The following CCDC178 variants were observed in gnomAD, a reference collection of about 807,000 sequenced individuals.
CCDC178 encodes coiled-coil domain-containing protein 178.
In CCDC178, 126 loss-of-function variants were observed where a neutral mutation model predicts 117.4. The ratio of observed to expected loss-of-function variants is 1.07; its 90% CI spans 0.93 to 1.24. The LOEUF (loss-of-function observed/expected upper bound fraction) is 1.24, where lower values mean the gene tolerates loss of function less well. Among genes scored for constraint, CCDC178 ranks in the 50% most tolerant of loss-of-function variants. CCDC178 has a pLI of 0.00. For missense variants in CCDC178, 1,030 were observed against 986.9 expected (o/e 1.04, Z -0.59); for synonymous variants, 283 against 313.4 (o/e 0.90, Z 1.02).
At chr18:32,977,021 T>C (rs7238802) in intron 21 of CCDC178, among the ~76,000 whole-genome samples, 28,443 of 152,046 alleles carry the variant, frequency 0.19, 3,091 homozygotes, top group East Asian at 0.3. Flanking sequence ...AGATTTTTGC[T>C]ATTTTCTTAA....
rs186621802 is a variant in CCDC178 at position 33,237,167 on chromosome 18, C to T, written c.1593+8078G>A. ...AGCCACTGCACCTCTGCAGCAATGGCGCTCCATCTTCATTCCAAGCCCAGT... is the reference window on the plus strand; with the variant it reads ...AGCCACTGCACCTCTGCAGCAATGGTGCTCCATCTTCATTCCAAGCCCAGT... On this transcript the variant is annotated intron_variant, in intron 15 of 22. Transcript: ENST00000383096. Among the ~76,000 whole-genome samples the T allele has an allele frequency of 3.3e-4, 50 of 152,222 alleles. No individual in the cohort carries two copies. In the East Asian group the frequency reaches 5.2e-3, roughly 16 times the overall value.
chr18:33,410,657 G>A (rs1460937620), intron 3 of CCDC178, among the ~76,000 whole-genome samples: 1 of 152,058 alleles, frequency 6.6e-6, no homozygotes, highest in Non-Finnish European at 1.5e-5. Flanking sequence ...GTAGTAAGTT[G>A]ATTGCAATAA....
intron 22 of CCDC178, among the ~76,000 whole-genome samples, chr18:32,966,213 A>T (rs2054810645): frequency 6.6e-6 from 1 of 151,792 alleles, no homozygotes; most frequent in Admixed American, 6.6e-5. Context: ...CTCATCATAT[A>T]CAATTTGAAA....
intron 3 of CCDC178, among the ~76,000 whole-genome samples, chr18:33,403,646 C>T (rs1047830782): frequency 1.3e-5 from 2 of 152,184 alleles, no homozygotes; most frequent in Non-Finnish European, 2.9e-5. Flanking sequence ...AACGGAAATA[C>T]TCAACAATTT....
intron 21 of CCDC178, among the ~76,000 whole-genome samples, chr18:33,000,623 T>C (rs1178949948): frequency 6.6e-6 from 1 of 152,178 alleles, no homozygotes; most frequent in African/African-American, 2.4e-5. Context: ...AGCTCCAATA[T>C]GTTTGGCAGC....
chr18:33,212,135 G>T, intron 19 of CCDC178, 80 bp from the exon 20 acceptor site: 1 of 1,131,704 alleles, frequency 8.8e-7, no homozygotes, highest in Non-Finnish European at 1.2e-6. Flanking sequence ...ATTTTAAAAG[G>T]ACCAAAATGA....
chr18:33,075,591 AC>A (rs2145012887), intron 21 of CCDC178, among the ~76,000 whole-genome samples: 1 of 152,348 alleles, frequency 6.6e-6, no homozygotes, highest in Non-Finnish European at 1.5e-5. Flanking sequence ...CAAGCAAAGA[AC>A]AAAAATACCT....
chr18:33,174,724 A>G (rs1265608809), intron 20 of CCDC178, among the ~76,000 whole-genome samples: 1 of 152,190 alleles, frequency 6.6e-6, no homozygotes, highest in Non-Finnish European at 1.5e-5. Flanking sequence ...AAGAACAAAT[A>G]CTTTCTTTAA....
chr18:33,143,401 T>A (rs1485517459), intron 20 of CCDC178, among the ~76,000 whole-genome samples: 6 of 152,156 alleles, frequency 3.9e-5, no homozygotes, highest in Non-Finnish European at 8.8e-5. Context: ...CGTGTTCTCA[T>A]CACATTGTGA....
At chr18:33,015,153 G>C (rs2055956151) in intron 21 of CCDC178, among the ~76,000 whole-genome samples, 1 of 151,908 alleles carries the variant, frequency 6.6e-6, no homozygotes, top group African/African-American at 2.4e-5. Context: ...CTACTTGGGA[G>C]GCTGAGGCAG....
chr18:33,339,670 T>C (rs1568159871), intron 9 of CCDC178, among the ~76,000 whole-genome samples: 1 of 151,856 alleles, frequency 6.6e-6, no homozygotes, highest in Non-Finnish European at 1.5e-5. Flanking sequence ...GAATCGGCAG[T>C]GGCGGGGGGT....
At chr18:33,038,519 G>A (rs1158698328) in intron 21 of CCDC178, among the ~76,000 whole-genome samples, 3 of 151,874 alleles carry the variant, frequency 2.0e-5, no homozygotes, top group Non-Finnish European at 4.4e-5. Flanking sequence ...TGCCTTCCAA[G>A]GAATTCCAAG....
intron 20 of CCDC178, among the ~76,000 whole-genome samples, chr18:33,189,507 A>G (rs271452): frequency 0.16 from 24,524 of 152,118 alleles, 2,757 homozygotes; most frequent in African/African-American, 0.32. Flanking sequence ...TATAGTATTA[A>G]TGGTTAGCCC....
At chr18:33,007,677 C>T (rs561405703) in intron 21 of CCDC178, among the ~76,000 whole-genome samples, 2 of 152,194 alleles carry the variant, frequency 1.3e-5, no homozygotes, top group Admixed American at 6.5e-5. Context: ...TTTAAGACTG[C>T]ACCTAAGTAC....
At chr18:33,238,013 G>C (rs1449884427) in intron 15 of CCDC178, among the ~76,000 whole-genome samples, 2 of 152,154 alleles carry the variant, frequency 1.3e-5, no homozygotes, top group African/African-American at 4.8e-5. Context: ...TCTCAGCTTA[G>C]GCAAGTGAGA....
At position 33,106,967 on chromosome 18, in the gene CCDC178, C is replaced by T. The variant is rs138757392; in HGVS notation, c.2239-14057G>A. 3.8e-3 allele frequency among the ~76,000 whole-genome samples: 573 copies of T among 151,730 alleles called. 8 individuals are homozygous for T. The highest frequency in any genetic ancestry group is 0.013 in the African/African-American group (554 of 41,462). On this transcript the variant is annotated intron_variant, in intron 20 of 22. Coordinates refer to ENST00000383096, the MANE Select transcript of CCDC178 (RefSeq NM_001105528.4). Reference sequence around the variant, plus strand: ...TCAACTGACAGCAAGAAAGCAGAGACGAACAATTGCAAGAAATTGAATTCT... The same window carrying T: ...TCAACTGACAGCAAGAAAGCAGAGATGAACAATTGCAAGAAATTGAATTCT...
intron 21 of CCDC178, among the ~76,000 whole-genome samples, chr18:33,045,283 C>T (rs1310886828): frequency 2.1e-4 from 32 of 152,040 alleles, no homozygotes; most frequent in Non-Finnish European, 1.5e-5. Context: ...GTTCCTGATG[C>T]CTGTAGTGCT....
At chr18:33,333,535 G>A (rs61319852) in intron 9 of CCDC178, 141 bp from the exon 10 acceptor site, 5 of 472,686 alleles carry the variant, frequency 1.1e-5, no homozygotes, top group Admixed American at 1.0e-4. Context: ...TTTTTTCCGA[G>A]ATGGAGTTTC....
chr18:33,068,885 G>A (rs1177602016), intron 21 of CCDC178, among the ~76,000 whole-genome samples: 2 of 152,086 alleles, frequency 1.3e-5, no homozygotes, highest in Admixed American at 1.3e-4. Flanking sequence ...AAATTGTTAT[G>A]CTTTGCAGAT....
Sources: allele counts gnomAD v4.1 joint callset (sites outside exome capture counted in the v4.1 genomes callset), GRCh38; gene constraint gnomAD v4.1.1; transcripts MANE v1.5; gene names NCBI Gene and HGNC (gene_info 2026-07-23, HGNC 2026-07-21).